The following NBPF26 variants were observed in gnomAD, a reference collection of about 807,000 sequenced individuals.
NBPF26 encodes the protein NBPF family member NBPF26.
A neutral mutation model predicts 119.6 loss-of-function variants in NBPF26; 79 were observed. The ratio of observed to expected loss-of-function variants is 0.66; its 90% confidence interval spans 0.55 to 0.80. NBPF26 has a LOEUF of 0.80. Ranked by LOEUF, NBPF26 falls within the 30% of genes least tolerant of loss-of-function variation. The probability of loss-of-function intolerance (pLI) is 0.00; values close to 1 mark genes in which losing one functional copy is unlikely to be tolerated. For synonymous variants in NBPF26, 299 were observed against 457.7 expected (o/e 0.65, Z 4.43); for missense variants, 800 against 1,198.2 (o/e 0.67, Z 4.91).
At position 120,763,103 on chromosome 1, in the gene NBPF26, A is replaced by T; in HGVS notation, c.74-525A>T. 3.2e-5 allele frequency among the ~76,000 whole-genome samples: 2 copies of T among 61,944 alleles called. 1 individual carries two copies. Among genetic ancestry groups the T allele is most frequent in the Non-Finnish European group, 5.5e-5 (2 of 36,158 alleles). The allele number at this position is 61,944 out of a possible 152,430, so 40.6% of individuals were successfully genotyped here. A position where few individuals can be genotyped will look rare whatever the true frequency, so the allele number is the denominator to read the frequency against. ...CCATTTCTCCTTTTTTCTGGATCCT[A>T]ATTTTGTGCCTGGTGCATACTAGGC... is the stretch of plus-strand genomic sequence containing the variant. On this transcript the variant is annotated intron_variant, in intron 1 of 29. Transcript: ENST00000620612.
At chr1:120,734,216 A>G (rs1650891692) in intron 1 of NBPF26, among the ~76,000 whole-genome samples, 1 of 8,056 alleles carries the variant, frequency 1.2e-4, no homozygotes, top group Non-Finnish European at 2.0e-4. Context: ...TCTATGCTGA[A>G]GCCCTGCAGG....
Position 120,840,347 on chromosome 1 carries a change from C to T in NBPF26, c.4104-3C>T. The T allele has an allele frequency of 1.4e-6, 2 of 1,445,856 alleles. No homozygotes were observed. The highest frequency in any genetic ancestry group is 2.3e-5 in the East Asian group (1 of 43,376). The allele number at this position is 1,445,856 out of a possible 1,614,324, so 89.6% of individuals were successfully genotyped here. ...GCTTCTTTAGTTTTGTCTCCTTTTG[C>T]AGGCTCAACAGCATGCTGATGGAAG... On this transcript the variant is annotated splice_polypyrimidine_tract_variant and splice_region_variant and intron_variant, in intron 29 of 29. Transcript: ENST00000620612.
intron 3 of NBPF26, among the ~76,000 whole-genome samples, chr1:120,790,010 CTT>C (rs1174501165): frequency 2.9e-4 from 10 of 34,962 alleles, no homozygotes; most frequent in African/African-American, 1.5e-3. Flanking sequence ...TTCTGATCAC[CTT>C]TTTTTTTTTT....
At chr1:120,778,016 T>C (rs1232242580) in intron 2 of NBPF26, among the ~76,000 whole-genome samples, 2 of 84,178 alleles carry the variant, frequency 2.4e-5, no homozygotes, top group Non-Finnish European at 4.1e-5. Context: ...GGGAATTGAA[T>C]GTTACATAGG....
chr1:120,803,287 G>C (rs1651602529), intron 4 of NBPF26, among the ~76,000 whole-genome samples: 1 of 138,210 alleles, frequency 7.2e-6, no homozygotes, highest in East Asian at 1.9e-4. Flanking sequence ...ATAGAGCAAA[G>C]TGTAAAATCT....
chr1:120,752,674 C>A (rs1651038748), intron 1 of NBPF26, among the ~76,000 whole-genome samples: 1 of 46,858 alleles, frequency 2.1e-5, no homozygotes, highest in Non-Finnish European at 3.4e-5. Flanking sequence ...GGGTTCATGC[C>A]ATTCTCCTGC....
chr1:120,789,896 C>A (rs1417673170), intron 3 of NBPF26, among the ~76,000 whole-genome samples: 1 of 65,686 alleles, frequency 1.5e-5, no homozygotes, highest in Non-Finnish European at 2.6e-5. Context: ...GTGGAAATGA[C>A]AGTAATGCCT....
exon 30 of NBPF26, chr1:120,840,480 T>C (rs1652492312): frequency 6.8e-7 from 1 of 1,480,318 alleles, no homozygotes; most frequent in Middle Eastern, 2.4e-4. Context: ...TGTGTTTTAC[T>C]CATTTGAGGA....
chr1:120,784,300 A>T (rs1371935349), intron 2 of NBPF26, among the ~76,000 whole-genome samples: 1 of 117,650 alleles, frequency 8.5e-6, no homozygotes, highest in South Asian at 2.5e-4. Flanking sequence ...GTTGTACCTC[A>T]TATGTAAGTA....
chr1:120,778,447 G>A lies in NBPF26; in HGVS notation c.156-6527G>A, dbSNP rs1309994866. 5.4e-5 allele frequency among the ~76,000 whole-genome samples: 6 copies of A among 111,910 alleles called. 2 individuals carry two copies. Among genetic ancestry groups the A allele is most frequent in the African/African-American group, 3.4e-4 (6 of 17,788 alleles). The allele number at this position is 111,910 out of a possible 152,430, so 73.4% of individuals were successfully genotyped here. On this transcript the variant is annotated intron_variant, in intron 2 of 29. Transcript: ENST00000620612. ...TTCAGTGCCGACGCAACCCACATGA[G>A]ACTTTTTTTTCCCCTTCGTTCCACA...
At position 120,730,571 on chromosome 1, in the gene NBPF26, C is replaced by T. The variant is rs1221845484; in HGVS notation, c.73+6321C>T. On this transcript the variant is annotated intron_variant, in intron 1 of 29. Transcript: ENST00000620612. ...TCACTGGTAGTGGTAGGAGGTTTGC[C>T]GTAGATCTGTTTTTTCTCCTGTCTC... Among the ~76,000 whole-genome samples, 5 of 111,622 alleles carry T rather than the reference C, an allele frequency of 4.5e-5. 1 individual carries two copies. Among genetic ancestry groups the T allele is most frequent in the Non-Finnish European group, 8.4e-5 (5 of 59,460 alleles). The allele number at this position is 111,622 out of a possible 152,430, so 73.2% of individuals were successfully genotyped here.
chr1:120,814,110 T>C, intron 11 of NBPF26, 117 bp downstream of exon 11: 1 of 545,832 alleles, frequency 1.8e-6, no homozygotes, highest in Non-Finnish European at 3.2e-6. Context: ...GGAATTGCCA[T>C]GGCAGGCTCG....
rs1482869144 is a variant in NBPF26, at chr1:120,808,486, A to G, written c.1065-59A>G. On this transcript the variant is annotated intron_variant, in intron 6 of 29. Coordinates refer to ENST00000620612, the Ensembl canonical transcript of NBPF26. The stretch of plus-strand genomic sequence containing the variant: ...TTGTCTCAGAAGTCTCTGTTGCAAT[A>G]TTTGAACGGATCACTCAACCCTTTC... The G allele has an allele frequency of 2.9e-6, 3 of 1,029,272 alleles. No individual in the cohort carries two copies. The Admixed American group carries it at 5.6e-5, about 19-fold the overall frequency. 63.8% of individuals were successfully genotyped at this position (1,029,272 alleles called of 1,614,324 possible).
chr1:120,808,511 C>G, intron 6 of NBPF26, 34 bp from the exon 7 acceptor site: 1 of 727,860 alleles, frequency 1.4e-6, no homozygotes, highest in Non-Finnish European at 2.4e-6. Flanking sequence ...TCAACCCTTT[C>G]TACTCTTAAA....
In NBPF26 at chr1:120,814,781, T is replaced by G. The variant is rs1553271496; in HGVS notation, c.1878-48T>G. On this transcript the variant is annotated intron_variant, in intron 11 of 29. Transcript: ENST00000620612. ...ATCTCTGTTGCAATATTTGAGCGGATCACTCAACCCTTTCTACTCTTAAAT... is the reference window on the plus strand; with the variant it reads ...ATCTCTGTTGCAATATTTGAGCGGAGCACTCAACCCTTTCTACTCTTAAAT... 2.2e-5 allele frequency: 25 copies of G among 1,140,932 alleles called. 4 individuals are homozygous for G. Among genetic ancestry groups the G allele is most frequent in the Non-Finnish European group, 2.9e-5 (23 of 787,668 alleles). The allele number at this position is 1,140,932 out of a possible 1,614,324, so 70.7% of individuals were successfully genotyped here. A position where few individuals can be genotyped will look rare whatever the true frequency, so the allele number is the denominator to read the frequency against.
chr1:120,813,240 A>G lies in NBPF26; in HGVS notation c.1775-651A>G, dbSNP rs1553271245. 1.6e-5 allele frequency among the ~76,000 whole-genome samples: 2 copies of G among 123,402 alleles called. 1 individual carries two copies. The highest frequency in any genetic ancestry group is 3.2e-5 in the Non-Finnish European group (2 of 62,088). 81.0% of individuals were successfully genotyped at this position (123,402 alleles called of 152,430 possible). A position where few individuals can be genotyped will look rare whatever the true frequency, so the allele number is the denominator to read the frequency against. ...GAATTACATGAGCTATTTCTTGTCA[A>G]TCTCCTAGAACATTTATTGGCACAG... On this transcript the variant is annotated intron_variant, in intron 10 of 29. Coordinates refer to ENST00000620612, the Ensembl canonical transcript of NBPF26.
intron 11 of NBPF26, 101 bp from the exon 12 acceptor site, chr1:120,814,728 A>T: frequency 1.5e-6 from 1 of 675,568 alleles, no homozygotes. Flanking sequence ...TTCTGCTTCG[A>T]GGTCTCCTTG....
In NBPF26 at chr1:120,783,654, G is replaced by T. The variant is rs1319459143; in HGVS notation, c.156-1320G>T. Among the ~76,000 whole-genome samples, 2 of 111,244 alleles carry T rather than the reference G, an allele frequency of 1.8e-5. 1 individual carries two copies. The highest frequency in any genetic ancestry group is 3.4e-5 in the Non-Finnish European group (2 of 59,272). 73.0% of individuals were successfully genotyped at this position (111,244 alleles called of 152,430 possible). Reference sequence around the variant, plus strand: ...ACTGGAACAGTGTATTTTGGAGTCAGTTACAGGAAGGAAGTTGTTTAAAAC... The same window carrying T: ...ACTGGAACAGTGTATTTTGGAGTCATTTACAGGAAGGAAGTTGTTTAAAAC... On this transcript the variant is annotated intron_variant, in intron 2 of 29. Coordinates refer to ENST00000620612, the Ensembl canonical transcript of NBPF26.
At chr1:120,810,932 G>T (rs1651846009) in intron 9 of NBPF26, among the ~76,000 whole-genome samples, 1 of 108,484 alleles carries the variant, frequency 9.2e-6, no homozygotes, top group South Asian at 2.7e-4. Flanking sequence ...CCTTTTCATT[G>T]GCTTGTCTTA....
Sources: allele counts gnomAD v4.1 joint callset (sites outside exome capture counted in the v4.1 genomes callset), GRCh38; gene constraint gnomAD v4.1.1; transcripts MANE v1.5; gene names NCBI Gene and HGNC (gene_info 2026-07-23, HGNC 2026-07-21).